NRXN1: variants seen among roughly 807,000 people sequenced by gnomAD.
NRXN1 encodes the protein neurexin-1.
In NRXN1, 39 loss-of-function variants were observed where a neutral mutation model predicts 150.9. The observed-to-expected ratio is 0.26, with a 90% confidence interval of 0.20 to 0.34. NRXN1 has a LOEUF of 0.34. NRXN1 is among the 10% of genes least tolerant of loss of function. NRXN1 has a pLI of 1.00. For missense variants in NRXN1, 1,815 were observed against 1,949.9 expected, an observed-to-expected ratio of 0.93 and a Z score of 1.30; for synonymous variants, 924 against 757.0, an observed-to-expected ratio of 1.22 and a Z score of -3.62.
At chr2:50,607,644 T>A (rs1049416040) in intron 8 of NRXN1, among the ~76,000 whole-genome samples, 1 of 151,252 alleles carries the variant, frequency 6.6e-6, no homozygotes, top group African/African-American at 2.4e-5. Flanking sequence ...GATATTACCA[T>A]ACAGAAATGA....
At chr2:50,637,034 A>T (rs1683327107) in intron 5 of NRXN1, among the ~76,000 whole-genome samples, 2 of 152,154 alleles carry the variant, frequency 1.3e-5, no homozygotes, top group South Asian at 4.1e-4. Flanking sequence ...AGAGCCCATA[A>T]TTTGAAATTA....
chr2:49,932,062 CATGTGTGTGA>C (rs372808568), intron 22 of NRXN1, among the ~76,000 whole-genome samples: 3,891 of 152,122 alleles, frequency 0.026, 168 homozygotes, highest in African/African-American at 0.087. Flanking sequence ...TATGTGTGTG[CATGTGTGTGA>C]ATGTGTGTGC....
chr2:50,078,433 G>A (rs918585453), intron 19 of NRXN1, among the ~76,000 whole-genome samples: 4 of 151,050 alleles, frequency 2.6e-5, no homozygotes, highest in African/African-American at 4.9e-5. Context: ...CTTTCCTCCT[G>A]TTAATAATTA....
At chr2:50,600,509 G>C (rs555227113) in intron 8 of NRXN1, among the ~76,000 whole-genome samples, 1 of 152,118 alleles carries the variant, frequency 6.6e-6, no homozygotes, top group South Asian at 2.1e-4. Flanking sequence ...GTTTTTAATA[G>C]AGACGGGGTT....
At chr2:50,656,240 C>G (rs917355184) in intron 5 of NRXN1, 1 of 589,178 alleles carries the variant, frequency 1.7e-6, no homozygotes. Context: ...AACTTAAAGT[C>G]TAATCATGCC....
intron 17 of NRXN1, 184 bp downstream of exon 17, chr2:50,465,258 G>C: frequency 2.3e-6 from 1 of 437,498 alleles, no homozygotes; most frequent in Non-Finnish European, 3.8e-6. Flanking sequence ...ATCATCACAG[G>C]ATTTAGCCAC....
At chr2:50,976,837 T>C (rs979903313) in intron 2 of NRXN1, among the ~76,000 whole-genome samples, 2 of 152,010 alleles carry the variant, frequency 1.3e-5, no homozygotes, top group Admixed American at 1.3e-4. Flanking sequence ...CCTCAGCAAG[T>C]AGACTTTGTT....
At chr2:50,291,713 C>A (rs1283460682) in intron 17 of NRXN1, among the ~76,000 whole-genome samples, 3 of 152,122 alleles carry the variant, frequency 2.0e-5, no homozygotes, top group African/African-American at 7.2e-5. Flanking sequence ...CTAAATAAAT[C>A]CAAACTGACT....
chr2:50,484,666 G>A (rs534462507), intron 15 of NRXN1, among the ~76,000 whole-genome samples: 18 of 152,184 alleles, frequency 1.2e-4, no homozygotes, highest in Non-Finnish European at 2.2e-4. Flanking sequence ...AGGACACACA[G>A]CAATTAAAGT....
At chr2:50,453,039 C>T (rs929960760) in intron 17 of NRXN1, among the ~76,000 whole-genome samples, 1 of 152,060 alleles carries the variant, frequency 6.6e-6, no homozygotes, top group Non-Finnish European at 1.5e-5. Context: ...TATTAAATAT[C>T]CAAGATAGTA....
chr2:50,243,449 T>TA (rs2066217190), intron 17 of NRXN1, among the ~76,000 whole-genome samples: 1 of 151,780 alleles, frequency 6.6e-6, no homozygotes, highest in South Asian at 2.1e-4. Flanking sequence ...TATTAAATTT[T>TA]AAAAAATACG....
chr2:50,392,731 AAAAC>A (rs2081805168), intron 17 of NRXN1, among the ~76,000 whole-genome samples: 2 of 152,118 alleles, frequency 1.3e-5, no homozygotes, highest in Non-Finnish European at 2.9e-5. Flanking sequence ...TAAACATGCG[AAAAC>A]AAAGACGTAG....
chr2:50,623,428 G>C lies in NRXN1; in HGVS notation c.1020C>G (p.Val340=), dbSNP rs898070828. The C allele has an allele frequency of 6.8e-6, 11 of 1,613,236 alleles. 1 individual carries two copies. The African/African-American group carries it at 1.2e-4, about 18-fold the overall frequency. ...CTGATCCCAAATTAATGACCAGAGA[G>C]ACAGCTCCATTTTTCAGGGCAAGAT... ...YVNLALKNGA[V]SLVINLGSGA... Residue 340 remains valine (V), a synonymous_variant, in exon 6 of 23, where the codon GTC becomes GTG. Coordinates refer to ENST00000401669, the MANE Select transcript of NRXN1 (RefSeq NM_001330078.2).
At chr2:50,096,125 A>G (rs919376026) in intron 18 of NRXN1, among the ~76,000 whole-genome samples, 2 of 152,086 alleles carry the variant, frequency 1.3e-5, no homozygotes, top group Non-Finnish European at 2.9e-5. Flanking sequence ...ACTGAAGGCT[A>G]TCAAAATAAG....
intron 21 of NRXN1, among the ~76,000 whole-genome samples, chr2:49,984,793 A>G (rs1006878663): frequency 6.6e-6 from 1 of 152,072 alleles, no homozygotes; most frequent in Non-Finnish European, 1.5e-5. Flanking sequence ...GCATAGTAGT[A>G]AGCATTCTGA....
intron 2 of NRXN1, among the ~76,000 whole-genome samples, chr2:50,940,511 G>A (rs550477163): frequency 6.6e-6 from 1 of 150,980 alleles, no homozygotes; most frequent in South Asian, 2.1e-4. Context: ...AAAACCAAAG[G>A]CCACATTGTA....
At chr2:49,982,042 C>T (rs7565688) in intron 21 of NRXN1, among the ~76,000 whole-genome samples, 71,751 of 151,854 alleles carry the variant, frequency 0.47, 17,604 homozygotes, top group Middle Eastern at 0.63. Context: ...TTATTTGAGA[C>T]ACACACTCTC....
chr2:50,801,482 T>C (rs2105694508), intron 5 of NRXN1, among the ~76,000 whole-genome samples: 1 of 152,248 alleles, frequency 6.6e-6, no homozygotes, highest in Middle Eastern at 3.4e-3. Flanking sequence ...GCAGGATCTG[T>C]GGATATAATA....
chr2:50,639,218 CTTTCT>C (rs1188769720), intron 5 of NRXN1, among the ~76,000 whole-genome samples: 21 of 99,744 alleles, frequency 2.1e-4, no homozygotes, highest in African/African-American at 2.7e-4. Context: ...TTCTTTCTTT[CTTTCT>C]TTTTTTTTTT....
Sources: gnomAD v4.1 joint callset for allele counts (sites outside exome capture counted in the v4.1 genomes callset) on GRCh38, gnomAD v4.1.1 for gene constraint, MANE v1.5 for transcripts, NCBI Gene and HGNC (gene_info 2026-07-23, HGNC 2026-07-21) for gene names.